The following TAF3 variants were observed in gnomAD, a reference collection of about 807,000 sequenced individuals.
TAF3 encodes transcription initiation factor TFIID subunit 3.
TAF3 carries 7 observed loss-of-function variants against 80.6 expected under a neutral mutation model. That is an observed-to-expected ratio of 0.09 (90% CI 0.05 to 0.16). The LOEUF (loss-of-function observed/expected upper bound fraction) is 0.16, where lower values mean the gene tolerates loss of function less well. Ranked by LOEUF, TAF3 falls within the 10% of genes least tolerant of loss-of-function variation. TAF3 has a pLI of 1.00. For synonymous variants in TAF3, 444 were observed against 446.1 expected, an observed-to-expected ratio of 1.00 and a Z score of 0.06; for missense variants, 921 against 1,140.2, an observed-to-expected ratio of 0.81 and a Z score of 2.77.
chr10:7,935,808 CA>C (rs1353518147), intron 2 of TAF3, among the ~76,000 whole-genome samples: 9 of 152,168 alleles, frequency 5.9e-5, no homozygotes, highest in African/African-American at 2.2e-4. Context: ...CTCATTGATT[CA>C]GGAGAAAAGT....
intron 4 of TAF3, among the ~76,000 whole-genome samples, chr10:7,998,162 G>C (rs1315200384): frequency 6.7e-6 from 1 of 149,688 alleles, no homozygotes; most frequent in Non-Finnish European, 1.5e-5. Flanking sequence ...CAAAAAGTTA[G>C]GATAAAAGTT....
chr10:7,896,894 G>A (rs1393603805), intron 2 of TAF3, among the ~76,000 whole-genome samples: 1 of 152,162 alleles, frequency 6.6e-6, no homozygotes, highest in Non-Finnish European at 1.5e-5. Context: ...CCAGTTGGAA[G>A]GCCCTTTTCC....
intron 2 of TAF3, among the ~76,000 whole-genome samples, chr10:7,950,775 A>G (rs1310308970): frequency 6.6e-6 from 1 of 152,206 alleles, no homozygotes; most frequent in Non-Finnish European, 1.5e-5. Context: ...CAGCTCTCGC[A>G]CTATAAGGAA....
chr10:7,858,823 T>C (rs1469821674), intron 2 of TAF3, among the ~76,000 whole-genome samples: 3 of 137,736 alleles, frequency 2.2e-5, no homozygotes, highest in African/African-American at 5.4e-5. Context: ...TGTGTGTGTG[T>C]GTGTGCGCGC....
At chr10:7,938,484 T>C (rs1190746401) in intron 2 of TAF3, among the ~76,000 whole-genome samples, 1 of 152,110 alleles carries the variant, frequency 6.6e-6, no homozygotes, top group Admixed American at 6.5e-5. Context: ...AGTGACTAGA[T>C]ATGGATGGTG....
chr10:7,965,467 C>G lies in TAF3; in HGVS notation c.1957C>G (p.Pro653Ala), dbSNP rs186133428. 107 of 1,612,380 alleles carry G rather than the reference C, an allele frequency of 6.6e-5. 1 individual carries two copies. The East Asian group carries it at 2.2e-3, about 33-fold the overall frequency. Residue 653 changes from proline to alanine, a missense_variant, in exon 3 of 7, where the codon CCA becomes GCA. Transcript: ENST00000344293. ...AGATAAGATGAAAGCCCCAGCACCC[C>G]CACTGGTGTTGCCCCCAAAAGAGTT... ...REDKMKAPAP[P>A]LVLPPKELAL... is the part of the protein sequence containing the mutation.
At chr10:7,925,557 A>G (rs187763038) in intron 2 of TAF3, among the ~76,000 whole-genome samples, 24 of 152,290 alleles carry the variant, frequency 1.6e-4, no homozygotes, top group African/African-American at 5.8e-4. Context: ...TAATCCCAGC[A>G]CTTCGGGAGG....
Position 8,009,625 on chromosome 10 carries a change from T to G in TAF3, c.2568+295T>G, listed in dbSNP as rs1322241148. Among the ~76,000 whole-genome samples, 1 of 150,928 alleles carries G rather than the reference T, an allele frequency of 6.6e-6. No individual in the cohort carries two copies. The highest frequency in any genetic ancestry group is 2.5e-5 in the African/African-American group (1 of 40,796). On this transcript the variant is annotated intron_variant, in intron 5 of 6. Transcript: ENST00000344293. This position sits in a 1 kb window ranked among gnomAD's most constrained non-coding sequence, Gnocchi z 4.1. ...CTGGCCAGACACGTTTCTTTTTTTT[T>G]CTTTTTTTTTTTTGAGACAGAGTTT...
intron 2 of TAF3, among the ~76,000 whole-genome samples, chr10:7,846,106 C>G (rs1423008506): frequency 6.6e-6 from 1 of 151,704 alleles, no homozygotes; most frequent in Non-Finnish European, 1.5e-5. Context: ...CTACAGGCGC[C>G]CGCCACCACG....
chr10:7,852,840 T>C (rs564518569), intron 2 of TAF3, among the ~76,000 whole-genome samples: 189 of 152,364 alleles, frequency 1.2e-3, no homozygotes, highest in African/African-American at 4.3e-3. Context: ...AGAGTTTGTA[T>C]ATGAAAAGCT....
chr10:8,008,092 CTTTTTTTTTTTT>C (rs1162726965), intron 4 of TAF3, among the ~76,000 whole-genome samples: 18 of 106,036 alleles, frequency 1.7e-4, no homozygotes, highest in Middle Eastern at 5.6e-3. Context: ...TGGGAACAAT[CTTTTTTTTTTTT>C]TTTTTTTTTT....
intron 2 of TAF3, among the ~76,000 whole-genome samples, chr10:7,895,715 A>AT (rs1837498092): frequency 7.2e-6 from 1 of 138,460 alleles, no homozygotes; most frequent in South Asian, 2.2e-4. Context: ...TTTTCCACTA[A>AT]TTGTGTGGCC....
At chr10:7,885,037 C>T (rs2131157882) in intron 2 of TAF3, among the ~76,000 whole-genome samples, 1 of 150,888 alleles carries the variant, frequency 6.6e-6, no homozygotes, top group African/African-American at 2.4e-5. Context: ...ATAGTCAAAA[C>T]TTTGTGTTCA....
intron 5 of TAF3, among the ~76,000 whole-genome samples, chr10:8,011,133 G>A (rs529458409): frequency 2.0e-5 from 3 of 152,336 alleles, no homozygotes; most frequent in African/African-American, 7.2e-5. Context: ...ACTGTGATGT[G>A]TTAGCCTACT....
chr10:7,951,889 T>A (rs187436657), intron 2 of TAF3, among the ~76,000 whole-genome samples: 73 of 152,304 alleles, frequency 4.8e-4, no homozygotes, highest in African/African-American at 1.7e-3. Flanking sequence ...TCTCTATGAT[T>A]GTAGGGTTTT....
At chr10:7,933,267 A>G (rs575067072) in intron 2 of TAF3, among the ~76,000 whole-genome samples, 1 of 152,344 alleles carries the variant, frequency 6.6e-6, no homozygotes, top group Non-Finnish European at 1.5e-5. Flanking sequence ...CTGAACATAC[A>G]AGTGTTTACA....
chr10:7,952,910 T>C (rs1371820199), intron 2 of TAF3, among the ~76,000 whole-genome samples: 1 of 152,220 alleles, frequency 6.6e-6, no homozygotes, highest in African/African-American at 2.4e-5. Context: ...TTTAAAATAT[T>C]TTATAAGGAG....
At chr10:7,847,468 A>G (rs1430696643) in intron 2 of TAF3, among the ~76,000 whole-genome samples, 2 of 152,194 alleles carry the variant, frequency 1.3e-5, no homozygotes, top group East Asian at 1.9e-4. Flanking sequence ...TTTTTAAGAC[A>G]GAGTCTTGCC....
intron 2 of TAF3, among the ~76,000 whole-genome samples, chr10:7,922,212 T>C (rs977051273): frequency 6.6e-6 from 1 of 152,124 alleles, no homozygotes; most frequent in Non-Finnish European, 1.5e-5. Context: ...AATTTGTTTT[T>C]GCTCATTGAA....
Sources: allele counts gnomAD v4.1 joint callset (sites outside exome capture counted in the v4.1 genomes callset), GRCh38; gene constraint gnomAD v4.1.1; non-coding constraint Gnocchi (gnomAD v3.1); transcripts MANE v1.5; gene names NCBI Gene and HGNC (gene_info 2026-07-23, HGNC 2026-07-21).